Variants in EML3 observed in about 807,000 individuals in gnomAD.
EML3 encodes the protein EMAP like 3, also known as echinoderm microtubule-associated protein-like 3.
EML3 carries 53 observed loss-of-function variants against 106.7 expected under a neutral mutation model. The observed-to-expected ratio is 0.50, with a 90% CI of 0.40 to 0.62. The LOEUF (loss-of-function observed/expected upper bound fraction) is 0.62. EML3 is among the 20% of genes least tolerant of loss of function. The probability of loss-of-function intolerance (pLI) is 0.00; values close to 1 mark genes in which losing one functional copy is unlikely to be tolerated. For missense variants in EML3, 994 were observed against 1,209.1 expected (o/e 0.82, Z 2.64); for synonymous variants, 499 against 489.6 (o/e 1.02, Z -0.25).
chr11:62,609,906 C>T (rs1942727621), intron 4 of EML3, among the ~76,000 whole-genome samples: 1 of 152,184 alleles, frequency 6.6e-6, no homozygotes, highest in Non-Finnish European at 1.5e-5. Flanking sequence ...GCTGAGCGCA[C>T]AGCACAAGGC....
At position 62,607,666 on chromosome 11, in the gene EML3, C is replaced by A. The variant is rs764525790; in HGVS notation, c.1362G>T (p.Gly454=). The change falls in exon 11 of 22, where the codon GGG becomes GGT. Residue 454 remains glycine, a splice_region_variant and synonymous_variant. Transcript: ENST00000394773. ...GTLTRKQGVF[G]KYKKPKFIPC... Reference sequence around the variant, plus strand: ...CACCTTCCACTTATCCATGCCTCACCCCAAAGACACCCTGTTTCCGGGTAA... The same window carrying A: ...CACCTTCCACTTATCCATGCCTCACACCAAAGACACCCTGTTTCCGGGTAA... 2.0e-5 allele frequency: 33 copies of A among 1,612,302 alleles called. No individual in the cohort carries two copies. Among genetic ancestry groups the A allele is most frequent in the Non-Finnish European group, 2.7e-5 (32 of 1,179,348 alleles).
At chr11:62,604,375 T>TTTG (rs745664151) in intron 16 of EML3, among the ~76,000 whole-genome samples, 174 bp from the exon 17 acceptor site, 143 of 151,808 alleles carry the variant, frequency 9.4e-4, no homozygotes, top group African/African-American at 2.0e-3. Context: ...TCTTTTTTAG[T>TTTG]TTGTTGTTGT....
chr11:62,611,530 A>ATCTCCTGCT lies in EML3; in HGVS notation c.80_88dup (p.Glu29_Met30insLysGlnGlu). ...TGCCAGGGCTGCCTTTACCAGTTCC[A>ATCTCCTGCT]TCTCCTGCTCCTGCACCCGAAGCCG... On this transcript the variant is annotated inframe_insertion, in exon 2 of 22. Transcript: ENST00000394773. 6.2e-7 allele frequency: 1 copy of ATCTCCTGCT among 1,613,820 alleles called. No individual in the cohort carries two copies. The highest frequency in any genetic ancestry group is 8.5e-7 in the Non-Finnish European group (1 of 1,179,978).
rs1473309584 is a variant in EML3, at chr11:62,610,926, C to T, written c.519G>A (p.Lys173=). Residue 173 remains lysine (K), a synonymous_variant, in exon 4 of 22, where the codon AAG becomes AAA. Transcript: ENST00000394773. ...CTAACAGGTTGGCGGAGGAGATTGC[C>T]TTCCTGGAGAGCTTCTGCCGAGGCC... ...SERPRQKLSR[K]AISSANLLVR... 2 of 1,613,184 alleles carry T rather than the reference C, an allele frequency of 1.2e-6. No individual in the cohort carries two copies. Among genetic ancestry groups the T allele is most frequent in the Admixed American group, 1.7e-5 (1 of 59,806 alleles).
rs1385160424 is a variant in EML3, at chr11:62,608,503, G to C, written c.1110+39C>G. 1.9e-6 allele frequency: 3 copies of C among 1,586,998 alleles called. No individual in the cohort carries two copies. The South Asian group carries it at 3.3e-5, about 18-fold the overall frequency. On this transcript the variant is annotated intron_variant, in intron 9 of 21. Transcript: ENST00000394773. ...GTGACATGCAAGAGTGGGGTTCCTA[G>C]GCAAGAATGGGGGTCTAGAGGCTTC...
Position 62,611,508 on chromosome 11 carries a change from C to G in EML3, c.111G>C (p.Leu37=), listed in dbSNP as rs770220524. 1.4e-5 allele frequency: 23 copies of G among 1,613,672 alleles called. No homozygotes were observed. The African/African-American group carries it at 3.1e-4, about 22-fold the overall frequency. Residue 37 remains leucine (L), a synonymous_variant, in exon 2 of 22, where the codon CTG becomes CTC. Coordinates refer to ENST00000394773, the MANE Select transcript of EML3 (RefSeq NM_153265.3). ...GCCGCAGCAGGCGAAGGGCTTCTGCCAGGGCTGCCTTTACCAGTTCCATCT... is the reference window on the plus strand; with the variant it reads ...GCCGCAGCAGGCGAAGGGCTTCTGCGAGGGCTGCCTTTACCAGTTCCATCT... ...EQEMELVKAA[L]AEALRLLRLQ... is the part of the protein sequence containing the mutation.
chr11:62,612,676 C>T lies in EML3; in HGVS notation c.-219G>A. The T allele has an allele frequency of 2.6e-6, 1 of 389,590 alleles. No homozygotes were observed. The highest frequency in any genetic ancestry group is 4.5e-6 in the Non-Finnish European group (1 of 223,970). The allele number at this position is 389,590 out of a possible 1,614,324, so 24.1% of individuals were successfully genotyped here. On this transcript the variant is annotated 5_prime_UTR_variant, in exon 1 of 22. Coordinates refer to ENST00000394773, the MANE Select transcript of EML3 (RefSeq NM_153265.3). ...AGACCCCCCCGGGCCCTCGGACTCT[C>T]CCGGGGCCGCTCTCGGCTCCCGGGG...
intron 12 of EML3, 140 bp downstream of exon 12, chr11:62,606,818 C>G: frequency 1.0e-6 from 1 of 971,268 alleles, no homozygotes; most frequent in Non-Finnish European, 1.4e-6. Flanking sequence ...GATCGCGCCA[C>G]TGCAATCCAG....
intron 19 of EML3, 35 bp downstream of exon 19, chr11:62,603,694 A>G (rs775234083): frequency 1.0e-5 from 16 of 1,587,860 alleles, no homozygotes; most frequent in Non-Finnish European, 1.3e-5. Flanking sequence ...CACTCCAATT[A>G]CCCTCTCCCC....
chr11:62,602,231 T>C lies in EML3; in HGVS notation c.*244A>G. The C allele has an allele frequency of 6.5e-7, 1 of 1,528,696 alleles. No individual in the cohort carries two copies. Among genetic ancestry groups the C allele is most frequent in the Non-Finnish European group, 8.8e-7 (1 of 1,135,076 alleles). The allele number at this position is 1,528,696 out of a possible 1,614,324, so 94.7% of individuals were successfully genotyped here. A position where few individuals can be genotyped will look rare whatever the true frequency, so the allele number is the denominator to read the frequency against. ...AAGCACCGGGAGGCGACTTTGGTTCTGGTTTATTGCCCCTCAGCAGGCAGC... is the reference window on the plus strand; with the variant it reads ...AAGCACCGGGAGGCGACTTTGGTTCCGGTTTATTGCCCCTCAGCAGGCAGC... On this transcript the variant is annotated 3_prime_UTR_variant, in exon 22 of 22. Transcript: ENST00000394773.
intron 5 of EML3, 42 bp from the exon 6 acceptor site, chr11:62,609,519 A>G (rs1259035489): frequency 6.5e-7 from 1 of 1,541,972 alleles, no homozygotes; most frequent in Non-Finnish European, 8.8e-7. Flanking sequence ...CCTTCCAGGA[A>G]AGACAGAGCA....
Position 62,605,841 on chromosome 11 carries a change from C to A in EML3, c.1782+14G>T. 1 of 1,613,756 alleles carries A rather than the reference C, an allele frequency of 6.2e-7. No individual in the cohort carries two copies. The highest frequency in any genetic ancestry group is 8.5e-7 in the Non-Finnish European group (1 of 1,179,804). On this transcript the variant is annotated intron_variant, in intron 14 of 21. Transcript: ENST00000394773. This position sits in a 1 kb window ranked among gnomAD's most constrained non-coding sequence, Gnocchi z 5.2. ...CCCTTTGTCCCTTCCTCCCCTGAGC[C>A]CTTAACCCCCAACCTGGATTACAGG...
Position 62,602,428 on chromosome 11 carries a change from C to A in EML3, c.*47G>T, listed in dbSNP as rs777653059. On this transcript the variant is annotated 3_prime_UTR_variant, in exon 22 of 22. Coordinates refer to ENST00000394773, the MANE Select transcript of EML3 (RefSeq NM_153265.3). ...GGGATTGGGCCAGGGAAGGGCAGGG[C>A]GGGGCGGGGCCACGCCGCCGGGCCA... 1 of 737,254 alleles carries A rather than the reference C, an allele frequency of 1.4e-6. No homozygotes were observed. The highest frequency in any genetic ancestry group is 1.5e-5 in the South Asian group (1 of 66,782). The allele number at this position is 737,254 out of a possible 1,614,324, so 45.7% of individuals were successfully genotyped here.
At position 62,603,144 on chromosome 11, in the gene EML3, C is replaced by T; in HGVS notation, c.2356+5G>A. ...CTTCCAGCAGGTTTCCACGCCCCTG[C>T]TCACCGTAGACGTGAAAGCCCAGCA... is the stretch of plus-strand genomic sequence containing the variant. On this transcript the variant is annotated splice_donor_5th_base_variant and intron_variant, in intron 20 of 21. Coordinates refer to ENST00000394773, the MANE Select transcript of EML3 (RefSeq NM_153265.3). 1 of 1,614,014 alleles carries T rather than the reference C, an allele frequency of 6.2e-7. No homozygotes were observed. Among genetic ancestry groups the T allele is most frequent in the Non-Finnish European group, 8.5e-7 (1 of 1,179,978 alleles).
Position 62,606,811 on chromosome 11 carries a change from C to G in EML3, c.1504+147G>C, listed in dbSNP as rs576859733. On this transcript the variant is annotated intron_variant, in intron 12 of 21. Transcript: ENST00000394773. ...GGCAGAGGTTGCAGTGAACCAAGAT[C>G]GCGCCACTGCAATCCAGCCTGGGCA... 148 of 850,354 alleles carry G rather than the reference C, an allele frequency of 1.7e-4. No individual in the cohort carries two copies. The African/African-American group carries it at 2.5e-3, about 14-fold the overall frequency. The allele number at this position is 850,354 out of a possible 1,614,324, so 52.7% of individuals were successfully genotyped here. A position where few individuals can be genotyped will look rare whatever the true frequency, so the allele number is the denominator to read the frequency against.
chr11:62,607,911 T>A, intron 10 of EML3, 90 bp from the exon 11 acceptor site: 4 of 1,487,568 alleles, frequency 2.7e-6, no homozygotes, highest in Non-Finnish European at 3.7e-6. Flanking sequence ...GACAGCTGGC[T>A]GGCAGAGGTC....
rs1230131482 is a variant in EML3 at position 62,605,357 on chromosome 11, C to T, written c.1915-177G>A. 4.4e-6 allele frequency: 3 copies of T among 679,424 alleles called. No individual in the cohort carries two copies. The highest frequency in any genetic ancestry group is 7.2e-6 in the Non-Finnish European group (3 of 416,978). The allele number at this position is 679,424 out of a possible 1,614,324, so 42.1% of individuals were successfully genotyped here. A position where few individuals can be genotyped will look rare whatever the true frequency, so the allele number is the denominator to read the frequency against. The stretch of plus-strand genomic sequence containing the variant: ...CAGGGAGTGATACCAAAATATTTAA[C>T]CACAGAACTGATGCCAATAGCTGTG... On this transcript the variant is annotated intron_variant, in intron 15 of 21. Transcript: ENST00000394773. The surrounding 1 kb of genome is among the most constrained non-coding windows in gnomAD (Gnocchi z 5.2).
At chr11:62,602,731 C>T in intron 21 of EML3, 28 bp downstream of exon 21, 1 of 1,607,632 alleles carries the variant, frequency 6.2e-7, no homozygotes, top group Non-Finnish European at 8.5e-7. Flanking sequence ...GCCCACCGGT[C>T]CCACCCCGGC....
chr11:62,602,459 T>C lies in EML3; in HGVS notation c.*16A>G. 1 of 1,543,224 alleles carries C rather than the reference T, an allele frequency of 6.5e-7. No individual in the cohort carries two copies. On this transcript the variant is annotated 3_prime_UTR_variant, in exon 22 of 22. Coordinates refer to ENST00000394773, the MANE Select transcript of EML3 (RefSeq NM_153265.3). ...GGGGCCACGCCGCCGGGCCAGTCGG[T>C]CCCGCCAGGCAGCGATCAAACGTCG...
Sources: allele counts gnomAD v4.1 joint callset (sites outside exome capture counted in the v4.1 genomes callset), GRCh38; gene constraint gnomAD v4.1.1; non-coding constraint Gnocchi (gnomAD v3.1); transcripts MANE v1.5; gene names NCBI Gene and HGNC (gene_info 2026-07-23, HGNC 2026-07-21).